The following MCM5 variants were observed in gnomAD, a reference collection of about 807,000 sequenced individuals.
MCM5 encodes the protein minichromosome maintenance complex component 5.
A neutral mutation model predicts 79.9 loss-of-function variants in MCM5; 46 were observed. The observed-to-expected ratio is 0.58, with a 90% CI of 0.45 to 0.74. The LOEUF is 0.74. Ranked by LOEUF, MCM5 falls within the 30% of genes least tolerant of loss-of-function variation. MCM5 has a pLI of 0.00. For missense variants in MCM5, 883 were observed against 1,017.0 expected (o/e 0.87, Z 1.79); for synonymous variants, 404 against 390.5 (o/e 1.03, Z -0.41).
At chr22:35,424,029 G>T in intron 16 of MCM5, 125 bp from the exon 17 acceptor site, 1 of 620,622 alleles carries the variant, frequency 1.6e-6, no homozygotes, top group Non-Finnish European at 2.9e-6. Flanking sequence ...GGGCACTCAG[G>T]AAGTGTGGGC....
At chr22:35,412,079 C>T (rs1457592005) in intron 7 of MCM5, among the ~76,000 whole-genome samples, 1 of 152,238 alleles carries the variant, frequency 6.6e-6, no homozygotes, top group Non-Finnish European at 1.5e-5. Context: ...ATCCTCCCCA[C>T]CTGCTCTGAG....
chr22:35,415,714 C>A lies in MCM5; in HGVS notation c.1204-115C>A, dbSNP rs552609888. ...GCCTTGAGTCCTATTCTGTACCCTG[C>A]AGCCAGCTTTGATGTGTGACCTTGG... On this transcript the variant is annotated intron_variant, in intron 9 of 16. Coordinates refer to ENST00000216122, the MANE Select transcript of MCM5 (RefSeq NM_006739.4). 2.5e-5 allele frequency: 30 copies of A among 1,182,548 alleles called. No individual in the cohort carries two copies. In the South Asian group the frequency reaches 3.7e-4, roughly 15 times the overall value. The allele number at this position is 1,182,548 out of a possible 1,614,324, so 73.3% of individuals were successfully genotyped here.
intron 16 of MCM5, chr22:35,423,553 C>T: frequency 2.3e-6 from 1 of 440,392 alleles, no homozygotes; most frequent in East Asian, 3.9e-5. Context: ...TTTTCTGTCC[C>T]ACGAAGGGGA....
the MCM5 span, among the ~76,000 whole-genome samples, chr22:35,440,930 G>A: frequency 6.6e-6 from 1 of 152,106 alleles, no homozygotes; most frequent in African/African-American, 2.4e-5. Flanking sequence ...GGTGGCGCAT[G>A]CCTGTAGTCC....
In MCM5 at chr22:35,424,390, C is replaced by G. The variant is rs1158888167; in HGVS notation, c.*135C>G. 3 of 661,642 alleles carry G rather than the reference C, an allele frequency of 4.5e-6. No individual in the cohort carries two copies. Among genetic ancestry groups the G allele is most frequent in the African/African-American group, 3.7e-5 (2 of 54,754 alleles). 41.0% of individuals were successfully genotyped at this position (661,642 alleles called of 1,614,324 possible). A position where few individuals can be genotyped will look rare whatever the true frequency, so the allele number is the denominator to read the frequency against. ...ACTTCCCAGGCACCCTCCTTTCTGCCCCAGAGGAAGGAGCTGTAGTGTCCT... is the reference window on the plus strand; with the variant it reads ...ACTTCCCAGGCACCCTCCTTTCTGCGCCAGAGGAAGGAGCTGTAGTGTCCT... On this transcript the variant is annotated 3_prime_UTR_variant, in exon 17 of 17. Coordinates refer to ENST00000216122, the MANE Select transcript of MCM5 (RefSeq NM_006739.4).
intron 16 of MCM5, chr22:35,423,914 C>A (rs1932752516): frequency 2.0e-6 from 1 of 490,260 alleles, no homozygotes; most frequent in Non-Finnish European, 3.6e-6. Context: ...TTTAGAGCTT[C>A]GGTTCTAGAG....
At chr22:35,415,556 C>T (rs888799696) in intron 9 of MCM5, among the ~76,000 whole-genome samples, 7 of 152,210 alleles carry the variant, frequency 4.6e-5, no homozygotes, top group Non-Finnish European at 1.0e-4. Context: ...AGTTGGGCCT[C>T]ACAAGACTGT....
At chr22:35,421,699 C>T (rs777710028) in intron 15 of MCM5, 1 of 582,602 alleles carries the variant, frequency 1.7e-6, no homozygotes, top group Non-Finnish European at 3.1e-6. Flanking sequence ...TCCTCTTGAC[C>T]CAGGTCATTG....
chr22:35,416,609 C>G (rs765322508), intron 11 of MCM5, 29 bp from the exon 12 acceptor site: 2 of 1,600,708 alleles, frequency 1.2e-6, no homozygotes, highest in African/African-American at 2.7e-5. Context: ...GCCATCTCCT[C>G]CCCCTTTTCG....
In MCM5 at chr22:35,412,664, T is replaced by C. The variant is rs1164502167; in HGVS notation, c.1074T>C (p.Phe358=). 21 of 1,507,226 alleles carry C rather than the reference T, an allele frequency of 1.4e-5. No individual in the cohort carries two copies. The highest frequency in any genetic ancestry group is 1.9e-5 in the Non-Finnish European group (21 of 1,120,724). The allele number at this position is 1,507,226 out of a possible 1,614,324, so 93.4% of individuals were successfully genotyped here. The part of the protein sequence containing the change: ...DMKKAIACLL[F]GGSRKRLPDG... The stretch of plus-strand genomic sequence containing the variant: ...AGAAGGCCATTGCCTGCCTGCTCTT[T>C]GGGGGCTCCCGAAAGAGGTAGGGGC... The change falls in exon 8 of 17, where the codon TTT becomes TTC. Residue 358 remains phenylalanine (F), a synonymous_variant. Transcript: ENST00000216122.
At chr22:35,453,145 C>T in the MCM5 span, among the ~76,000 whole-genome samples, 1 of 152,340 alleles carries the variant, frequency 6.6e-6, no homozygotes, top group African/African-American at 2.4e-5. Flanking sequence ...CTGAAGACCT[C>T]AGCCTGCCTG....
At chr22:35,438,615 T>C in the MCM5 span, among the ~76,000 whole-genome samples, 5 of 110,158 alleles carry the variant, frequency 4.5e-5, no homozygotes, top group African/African-American at 7.0e-5. Flanking sequence ...ACCCACATAT[T>C]CATCCATCCA....
chr22:35,449,665 G>A, the MCM5 span, among the ~76,000 whole-genome samples: 12 of 152,320 alleles, frequency 7.9e-5, no homozygotes, highest in Admixed American at 3.3e-4. Context: ...CTGACATGTG[G>A]CAGTTTTCCG....
chr22:35,410,483 G>A (rs1601756049), intron 6 of MCM5: 11 of 447,338 alleles, frequency 2.5e-5, no homozygotes, highest in South Asian at 1.6e-4. Context: ...CGAGTTCAGC[G>A]AGAGTCAGGC....
chr22:35,417,956 C>G, intron 13 of MCM5, 100 bp downstream of exon 13: 1 of 784,954 alleles, frequency 1.3e-6, no homozygotes, highest in Non-Finnish European at 2.2e-6. Context: ...TGAAGAACAG[C>G]CCAGATGTTG....
At chr22:35,412,906 C>T (rs1932428752) in intron 8 of MCM5, among the ~76,000 whole-genome samples, 1 of 152,156 alleles carries the variant, frequency 6.6e-6, no homozygotes, top group Non-Finnish European at 1.5e-5. Flanking sequence ...AGACTGGGGG[C>T]CTGGCAAGTG....
the MCM5 span, among the ~76,000 whole-genome samples, chr22:35,432,425 G>A: frequency 2.6e-5 from 4 of 152,134 alleles, no homozygotes; most frequent in South Asian, 2.1e-4. Flanking sequence ...CCTCACCCTG[G>A]GAGCTCAAGT....
At chr22:35,450,926 G>A in the MCM5 span, among the ~76,000 whole-genome samples, 4 of 152,178 alleles carry the variant, frequency 2.6e-5, no homozygotes, top group African/African-American at 4.8e-5. Flanking sequence ...AAGCCCTCAG[G>A]AAACAAAGAG....
the MCM5 span, among the ~76,000 whole-genome samples, chr22:35,453,425 C>CACAG: frequency 7.9e-6 from 1 of 127,244 alleles, no homozygotes; most frequent in African/African-American, 3.3e-5. Context: ...TTCAGAGAGA[C>CACAG]ACAGAGACAG....
Sources: allele counts gnomAD v4.1 joint callset (sites outside exome capture counted in the v4.1 genomes callset), GRCh38; gene constraint gnomAD v4.1.1; transcripts MANE v1.5; gene names NCBI Gene and HGNC (gene_info 2026-07-23, HGNC 2026-07-21).